The following SCAMP1 variants were observed in gnomAD, a reference collection of about 807,000 sequenced individuals.
The protein encoded by SCAMP1 is secretory carrier membrane protein 1, also known as secretory carrier-associated membrane protein 1.
SCAMP1 carries 15 observed loss-of-function variants against 41.8 expected under a neutral mutation model. The observed-to-expected ratio is 0.36, with a 90% confidence interval of 0.24 to 0.55. The LOEUF is 0.55. SCAMP1 is among the 20% of genes least tolerant of loss of function. The probability of loss-of-function intolerance (pLI) is 0.86; values close to 1 mark genes in which losing one functional copy is unlikely to be tolerated. For synonymous variants in SCAMP1, 135 were observed against 136.8 expected, an observed-to-expected ratio of 0.99 and a Z score of 0.09; for missense variants, 341 against 412.6, an observed-to-expected ratio of 0.83 and a Z score of 1.50.
rs148312156 is a variant in SCAMP1 at position 78,440,961 on chromosome 5, C to T, written c.633-8972C>T. 9.8e-4 allele frequency among the ~76,000 whole-genome samples: 150 copies of T among 152,356 alleles called. 1 individual carries two copies. Among genetic ancestry groups the T allele is most frequent in the African/African-American group, 3.5e-3 (144 of 41,578 alleles). On this transcript the variant is annotated intron_variant, in intron 6 of 8. Coordinates refer to ENST00000621999, the MANE Select transcript of SCAMP1 (RefSeq NM_004866.6). ...CACCTTGCAGTTCGATCTCAGACTG[C>T]TGTGCTAGTAGTGAGCAAGGCTCTG...
chr5:78,422,136 C>A (rs1752353339), intron 6 of SCAMP1, among the ~76,000 whole-genome samples, 176 bp downstream of exon 6: 2 of 152,188 alleles, frequency 1.3e-5, no homozygotes, highest in African/African-American at 2.4e-5. Flanking sequence ...TTTTGTAAGT[C>A]ATAAAATTCC....
In SCAMP1 at chr5:78,459,286, C is replaced by T. The variant is rs1753521268; in HGVS notation, c.776C>T (p.Pro259Leu). ...SSLTGLNQNIPVGIMMIIIAA... is the reference protein window; with the variant it reads ...SSLTGLNQNILVGIMMIIIAA... ...CTTACTGGTCTCAACCAAAATATTC[C>T]TGTTGGAATCATGATGATAATCATA... is the stretch of plus-strand genomic sequence containing the variant. Residue 259 changes from proline (P) to leucine (L), a missense_variant, in exon 8 of 9, where the codon CCT becomes CTT. Pro to Leu is a moderately conservative substitution (Grantham distance 98). Coordinates refer to ENST00000621999, the MANE Select transcript of SCAMP1 (RefSeq NM_004866.6). The T allele has an allele frequency of 6.2e-7, 1 of 1,606,136 alleles. No individual in the cohort carries two copies. Among genetic ancestry groups the T allele is most frequent in the East Asian group, 2.2e-5 (1 of 44,712 alleles).
At chr5:78,463,298 G>T (rs12657275) in intron 8 of SCAMP1, among the ~76,000 whole-genome samples, 41,451 of 152,030 alleles carry the variant, frequency 0.27, 5,945 homozygotes, top group East Asian at 0.54. Flanking sequence ...TGACTCTCTG[G>T]CTATTCTTTC....
At chr5:78,416,506 G>A in intron 3 of SCAMP1, 35 bp from the exon 4 acceptor site, 1 of 1,454,640 alleles carries the variant, frequency 6.9e-7, no homozygotes, top group Non-Finnish European at 9.4e-7. Flanking sequence ...TTATACTTCT[G>A]ACAGTCTATT....
intron 6 of SCAMP1, among the ~76,000 whole-genome samples, chr5:78,445,175 A>T (rs1753023974): frequency 1.3e-5 from 2 of 152,228 alleles, no homozygotes; most frequent in African/African-American, 4.8e-5. Context: ...ACTTTACAAG[A>T]TCAAATAAGC....
At chr5:78,394,169 C>A (rs187109564) in intron 2 of SCAMP1, among the ~76,000 whole-genome samples, 167 of 152,100 alleles carry the variant, frequency 1.1e-3, no homozygotes, top group African/African-American at 3.8e-3. Flanking sequence ...TCATCTCTGA[C>A]CATAAAGGGA....
intron 1 of SCAMP1, among the ~76,000 whole-genome samples, chr5:78,364,830 ATAATGAG>A (rs1032459458): frequency 7.1e-6 from 1 of 141,670 alleles, no homozygotes; most frequent in Admixed American, 7.6e-5. Flanking sequence ...TGGGAATTGA[ATAATGAG>A]AACACTTGGA....
In SCAMP1 at chr5:78,436,055, C is replaced by T. The variant is rs534018690; in HGVS notation, c.633-13878C>T. Among the ~76,000 whole-genome samples, 7 of 152,204 alleles carry T rather than the reference C, an allele frequency of 4.6e-5. No homozygotes were observed. In the South Asian group the frequency reaches 1.5e-3, roughly 32 times the overall value. ...AAAAGTGTCTGTCCATATCCTTTGC[C>T]CACTTTTTGATGGGGTTGTTTTTTC... On this transcript the variant is annotated intron_variant, in intron 6 of 8. Transcript: ENST00000621999.
At chr5:78,418,179 T>C (rs1375871248) in intron 4 of SCAMP1, among the ~76,000 whole-genome samples, 2 of 152,212 alleles carry the variant, frequency 1.3e-5, no homozygotes, top group African/African-American at 4.8e-5. Context: ...GACTGTTTCA[T>C]GTTTTCTTTG....
intron 4 of SCAMP1, among the ~76,000 whole-genome samples, chr5:78,418,570 G>T (rs1232270606): frequency 6.6e-6 from 1 of 152,054 alleles, no homozygotes; most frequent in African/African-American, 2.4e-5. Context: ...ACTATCTAAT[G>T]TGCTCTAAGG....
intron 1 of SCAMP1, among the ~76,000 whole-genome samples, chr5:78,367,098 T>G (rs1750817244): frequency 6.6e-6 from 1 of 152,174 alleles, no homozygotes; most frequent in African/African-American, 2.4e-5. Context: ...GCCTGTGTTA[T>G]TTTACGTTCA....
chr5:78,449,935 G>A lies in SCAMP1; in HGVS notation c.635G>A (p.Ser212Asn), dbSNP rs770374938. Residue 212 changes from serine (S) to asparagine (N), a missense_variant and splice_region_variant, in exon 7 of 9, where the codon AGT becomes AAT. Ser to Asn is a conservative substitution (Grantham distance 46). Coordinates refer to ENST00000621999, the MANE Select transcript of SCAMP1 (RefSeq NM_004866.6). ...TTCTTTCTTTTTTTTTTTCAAAGGA[G>A]TGACAGTTCATTTAGATTCTTTGTA... ...WYRPLYGAFRSDSSFRFFVFF... is the reference protein window; with the variant it reads ...WYRPLYGAFRNDSSFRFFVFF... 5 of 1,470,310 alleles carry A rather than the reference G, an allele frequency of 3.4e-6. No individual in the cohort carries two copies. In the South Asian group the frequency reaches 5.3e-5, roughly 16 times the overall value. 91.1% of individuals were successfully genotyped at this position (1,470,310 alleles called of 1,614,324 possible). A position where few individuals can be genotyped will look rare whatever the true frequency, so the allele number is the denominator to read the frequency against.
rs145109138 is a variant in SCAMP1 at position 78,406,524 on chromosome 5, C to T, written c.136-8996C>T. ...ATGAACTTCCTGTGCCTTGAAGAGA[C>T]CTTGGGTAGTCGTTTATTTAAAATG... On this transcript the variant is annotated intron_variant, in intron 2 of 8. Coordinates refer to ENST00000621999, the MANE Select transcript of SCAMP1 (RefSeq NM_004866.6). Among the ~76,000 whole-genome samples the T allele has an allele frequency of 3.3e-5, 5 of 152,236 alleles. 1 individual carries two copies. The highest frequency in any genetic ancestry group is 2.0e-4 in the Admixed American group (3 of 15,292).
At chr5:78,449,452 A>G (rs1346343528) in intron 6 of SCAMP1, among the ~76,000 whole-genome samples, 2 of 152,162 alleles carry the variant, frequency 1.3e-5, no homozygotes, top group Non-Finnish European at 1.5e-5. Context: ...TAGTCAAACT[A>G]TGGTAACAGA....
chr5:78,426,609 C>T (rs971701287), intron 6 of SCAMP1, among the ~76,000 whole-genome samples: 1 of 152,072 alleles, frequency 6.6e-6, no homozygotes, highest in African/African-American at 2.4e-5. Context: ...TATCTTTTGC[C>T]CAATTCAATG....
intron 6 of SCAMP1, among the ~76,000 whole-genome samples, chr5:78,426,545 A>T (rs2112157308): frequency 6.6e-6 from 1 of 152,268 alleles, no homozygotes; most frequent in African/African-American, 2.4e-5. Context: ...ACCAGTGATG[A>T]TGAGCTTTTT....
chr5:78,409,115 C>T (rs907759627), intron 2 of SCAMP1, among the ~76,000 whole-genome samples: 2 of 152,164 alleles, frequency 1.3e-5, no homozygotes, highest in Non-Finnish European at 2.9e-5. Flanking sequence ...CTTGTACCAG[C>T]TCCAAAGCTT....
rs1754001573 is a variant in SCAMP1 at position 78,476,219 on chromosome 5, T to C, written c.*551T>C. 1 of 152,326 alleles carries C rather than the reference T, an allele frequency of 6.6e-6. No homozygotes were observed. Among genetic ancestry groups the C allele is most frequent in the Non-Finnish European group, 1.5e-5 (1 of 68,006 alleles). 9.4% of individuals were successfully genotyped at this position (152,326 alleles called of 1,614,324 possible). A position where few individuals can be genotyped will look rare whatever the true frequency, so the allele number is the denominator to read the frequency against. Reference sequence around the variant, plus strand: ...AATTTGTCATCTTTTTCTTTTCTTTTTTTTAGAATAGCTGATATTTTGATA... The same window carrying C: ...AATTTGTCATCTTTTTCTTTTCTTTCTTTTAGAATAGCTGATATTTTGATA... On this transcript the variant is annotated 3_prime_UTR_variant, in exon 9 of 9. Coordinates refer to ENST00000621999, the MANE Select transcript of SCAMP1 (RefSeq NM_004866.6).
chr5:78,394,448 C>T (rs1253681954), intron 2 of SCAMP1, among the ~76,000 whole-genome samples: 2 of 152,008 alleles, frequency 1.3e-5, no homozygotes, highest in Non-Finnish European at 1.5e-5. Flanking sequence ...GTCTCAAACT[C>T]CTGGACTCAA....
Sources: gnomAD v4.1 joint callset for allele counts (sites outside exome capture counted in the v4.1 genomes callset) on GRCh38, gnomAD v4.1.1 for gene constraint, MANE v1.5 for transcripts, NCBI Gene and HGNC (gene_info 2026-07-23, HGNC 2026-07-21) for gene names.